The following NAV3 variants were observed in gnomAD, a reference collection of about 807,000 sequenced individuals.
NAV3 encodes pore membrane and/or filament interacting like protein 1.
In NAV3, 87 loss-of-function variants were observed where a neutral mutation model predicts 244.7. The observed-to-expected ratio is 0.36, with a 90% CI of 0.30 to 0.42. The LOEUF (loss-of-function observed/expected upper bound fraction) is 0.42, where lower values mean the gene tolerates loss of function less well. NAV3 is among the 20% of genes least tolerant of loss of function. The pLI is 1.00. For missense variants in NAV3, 2,663 were observed against 2,893.3 expected (o/e 0.92, Z 1.83); for synonymous variants, 1,126 against 1,042.2 (o/e 1.08, Z -1.55).
intron 2 of NAV3, among the ~76,000 whole-genome samples, chr12:77,641,713 A>G (rs711123): frequency 2.0e-5 from 3 of 152,048 alleles, no homozygotes; most frequent in African/African-American, 2.4e-5. Context: ...TCCATTATAC[A>G]TACACCTCCT....
intron 2 of NAV3, among the ~76,000 whole-genome samples, chr12:77,622,982 T>C (rs1871447913): frequency 6.6e-6 from 1 of 152,174 alleles, no homozygotes; most frequent in African/African-American, 2.4e-5. Context: ...CAGTCAGTAA[T>C]ACCTGTAATA....
At chr12:77,725,486 AT>A (rs35999021) in intron 2 of NAV3, among the ~76,000 whole-genome samples, 96,439 of 151,194 alleles carry the variant, frequency 0.64, 34,775 homozygotes, top group East Asian at 0.88. Flanking sequence ...GTTTCCCCAG[AT>A]TTTTTTTTCT....
intron 1 of NAV3, among the ~76,000 whole-genome samples, chr12:77,871,885 C>G (rs2136462911): frequency 1.3e-5 from 2 of 152,288 alleles, no homozygotes; most frequent in South Asian, 4.1e-4. Flanking sequence ...AATGGTTGAA[C>G]TAATTTACAC....
At chr12:78,167,324 C>T (rs566093046) in intron 23 of NAV3, among the ~76,000 whole-genome samples, 18 of 151,570 alleles carry the variant, frequency 1.2e-4, no homozygotes, top group East Asian at 5.8e-4. Flanking sequence ...TAAATTTAGG[C>T]GGTTACTGTT....
chr12:78,006,620 C>A lies in NAV3; in HGVS notation c.1082C>A (p.Pro361Gln), dbSNP rs772723096. 1 of 1,614,142 alleles carries A rather than the reference C, an allele frequency of 6.2e-7. No individual in the cohort carries two copies. The highest frequency in any genetic ancestry group is 8.5e-7 in the Non-Finnish European group (1 of 1,180,022). Residue 361 changes from proline to glutamine, a missense_variant, in exon 8 of 40, where the codon CCA becomes CAA. Physicochemically the swap from Pro to Gln is moderately conservative, Grantham distance 76. Transcript: ENST00000397909. ...TCAAGTACAGCCACCTCCCCCACAC[C>A]ATCTTCAGACAGACTGAAGCCACCT... Reference protein sequence around the residue: ...KQSSTATSPTPSSDRLKPPVS... With the variant: ...KQSSTATSPTQSSDRLKPPVS...
chr12:78,128,355 C>T (rs1206356023), intron 17 of NAV3, among the ~76,000 whole-genome samples: 2 of 151,708 alleles, frequency 1.3e-5, no homozygotes, highest in Admixed American at 6.6e-5. Flanking sequence ...GGCCCTGGCC[C>T]GCCACTGTCC....
chr12:78,205,317 T>C (rs1960178596), intron 39 of NAV3, among the ~76,000 whole-genome samples, 179 bp downstream of exon 39: 1 of 152,188 alleles, frequency 6.6e-6, no homozygotes, highest in Admixed American at 6.5e-5. Context: ...ACCAAACTTG[T>C]ATGCTTAAAA....
intron 28 of NAV3, chr12:78,179,289 A>T: frequency 2.5e-6 from 1 of 403,982 alleles, no homozygotes; most frequent in Non-Finnish European, 4.4e-6. Flanking sequence ...CAGTAAGAGT[A>T]GACTATTTTT....
chr12:78,067,118 A>C (rs574202925), intron 12 of NAV3, among the ~76,000 whole-genome samples: 1 of 152,188 alleles, frequency 6.6e-6, no homozygotes, highest in Admixed American at 6.6e-5. Flanking sequence ...TATCTCTGGG[A>C]TCAGGTTCAT....
intron 7 of NAV3, 51 bp from the exon 8 acceptor site, chr12:78,006,368 A>C (rs1456644181): frequency 6.6e-7 from 1 of 1,512,780 alleles, no homozygotes; most frequent in Admixed American, 1.8e-5. Flanking sequence ...TGTAATATAA[A>C]TGATCAAGAT....
At chr12:77,977,687 T>TACAC (rs1358368460) in intron 5 of NAV3, among the ~76,000 whole-genome samples, 68 of 93,448 alleles carry the variant, frequency 7.3e-4, no homozygotes, top group East Asian at 3.5e-3. Context: ...GAGATATATA[T>TACAC]ATACACACAC....
At chr12:78,139,623 T>C (rs961910223) in intron 19 of NAV3, among the ~76,000 whole-genome samples, 1 of 152,144 alleles carries the variant, frequency 6.6e-6, no homozygotes, top group African/African-American at 2.4e-5. Context: ...ATTGGAAGTA[T>C]AGGAGTATAA....
At chr12:77,644,114 C>T (rs1330867842) in intron 2 of NAV3, among the ~76,000 whole-genome samples, 1 of 151,962 alleles carries the variant, frequency 6.6e-6, no homozygotes, top group Non-Finnish European at 1.5e-5. Flanking sequence ...TCAAGGGGTT[C>T]AATGTAAAAG....
rs558536650 is a variant in NAV3, at chr12:77,694,474, T to C, written c.72+122208T>C. 2.8e-5 allele frequency among the ~76,000 whole-genome samples: 4 copies of C among 140,864 alleles called. No individual in the cohort carries two copies. In the South Asian group the frequency reaches 8.7e-4, roughly 31 times the overall value. 92.4% of individuals were successfully genotyped at this position (140,864 alleles called of 152,430 possible). A position where few individuals can be genotyped will look rare whatever the true frequency, so the allele number is the denominator to read the frequency against. ...GGCTACAGAGCAAACTCCATCTCAA[T>C]TAAAAAAAAAAAAAAAGGCAGTCTC... On this transcript the variant is annotated intron_variant, in intron 2 of 8. Transcript: ENST00000550042.
intron 2 of NAV3, among the ~76,000 whole-genome samples, chr12:77,769,646 T>G (rs1466263804): frequency 6.6e-6 from 1 of 152,218 alleles, no homozygotes; most frequent in Non-Finnish European, 1.5e-5. Context: ...TTAAAATAAT[T>G]CAGTAATTAT....
rs1215407225 is a variant in NAV3 at position 78,128,979 on chromosome 12, A to C, written c.4441+113A>C. 3.0e-6 allele frequency: 3 copies of C among 995,354 alleles called. No homozygotes were observed. In the African/African-American group the frequency reaches 4.9e-5, roughly 16 times the overall value. The allele number at this position is 995,354 out of a possible 1,614,324, so 61.7% of individuals were successfully genotyped here. A position where few individuals can be genotyped will look rare whatever the true frequency, so the allele number is the denominator to read the frequency against. ...GTTTTCATTTAAAGGGAGGGATAAA[A>C]GCACTTTAACAGTACCTTTCATTTG... On this transcript the variant is annotated intron_variant, in intron 18 of 39. Transcript: ENST00000397909.
chr12:78,057,089 TAGTC>T (rs926073072), intron 11 of NAV3, among the ~76,000 whole-genome samples: 1 of 152,204 alleles, frequency 6.6e-6, no homozygotes, highest in Non-Finnish European at 1.5e-5. Flanking sequence ...AATTAGGAAT[TAGTC>T]AGAGAAAGGC....
At chr12:77,898,983 A>T (rs1316533807) in intron 1 of NAV3, among the ~76,000 whole-genome samples, 1 of 152,168 alleles carries the variant, frequency 6.6e-6, no homozygotes, top group African/African-American at 2.4e-5. Context: ...CCACCATGGG[A>T]AGTAACTGCT....
intron 1 of NAV3, among the ~76,000 whole-genome samples, chr12:77,898,195 C>T (rs190779339): frequency 1.9e-3 from 288 of 152,170 alleles, no homozygotes; most frequent in African/African-American, 4.7e-3. Flanking sequence ...TCATGATTTC[C>T]GTCCCAACCA....
Sources: gnomAD v4.1 joint callset for allele counts (sites outside exome capture counted in the v4.1 genomes callset) on GRCh38, gnomAD v4.1.1 for gene constraint, MANE v1.5 for transcripts, NCBI Gene and HGNC (gene_info 2026-07-23, HGNC 2026-07-21) for gene names.